Variants in DOK6 observed in about 807,000 individuals in gnomAD.
DOK6 encodes docking protein 6.
A neutral mutation model predicts 44.0 loss-of-function variants in DOK6; 22 were observed. The ratio of observed to expected loss-of-function variants is 0.50; its 90% confidence interval spans 0.36 to 0.71. The LOEUF is 0.71. Among genes scored for constraint, DOK6 ranks in the 30% least tolerant of loss-of-function variants. The pLI, the probability that DOK6 is intolerant of heterozygous loss-of-function variation, is 0.00. For missense variants in DOK6, 340 were observed against 416.4 expected, an observed-to-expected ratio of 0.82 and a Z score of 1.60; for synonymous variants, 166 against 145.5, an observed-to-expected ratio of 1.14 and a Z score of -1.01.
chr18:69,651,940 TTTAAG>T (rs1985240544), intron 3 of DOK6, among the ~76,000 whole-genome samples: 2 of 65,484 alleles, frequency 3.1e-5, no homozygotes, highest in South Asian at 9.8e-4. Flanking sequence ...AGGAAACTAA[TTTAAG>T]TTAGCCTTAA....
chr18:69,579,857 G>T (rs1046312055), intron 2 of DOK6, among the ~76,000 whole-genome samples: 1 of 151,968 alleles, frequency 6.6e-6, no homozygotes, highest in African/African-American at 2.4e-5. Flanking sequence ...CTCGTGGAGC[G>T]GTCGATCCGC....
At chr18:69,785,121 C>T (rs963116499) in intron 7 of DOK6, among the ~76,000 whole-genome samples, 35 of 152,158 alleles carry the variant, frequency 2.3e-4, no homozygotes, top group African/African-American at 8.2e-4. Flanking sequence ...TCAGCAAATG[C>T]TTCCATTTCT....
At chr18:69,514,676 C>T (rs1568282130) in intron 1 of DOK6, among the ~76,000 whole-genome samples, 1 of 151,210 alleles carries the variant, frequency 6.6e-6, no homozygotes, top group African/African-American at 2.4e-5. Context: ...ATTAATTTAT[C>T]CCACATCTTT....
chr18:69,808,773 G>C (rs747716893), intron 7 of DOK6, among the ~76,000 whole-genome samples: 1 of 151,774 alleles, frequency 6.6e-6, no homozygotes, highest in Non-Finnish European at 1.5e-5. Context: ...ACAATAACAA[G>C]TACAAAGATT....
intron 6 of DOK6, among the ~76,000 whole-genome samples, chr18:69,752,163 AAAAGAT>A (rs144564821): frequency 0.031 from 4,744 of 152,232 alleles, 251 homozygotes; most frequent in African/African-American, 0.11. Context: ...AAGTCTCTCT[AAAAGAT>A]AAATATAAAA....
At chr18:69,737,028 C>T (rs1393861975) in intron 5 of DOK6, among the ~76,000 whole-genome samples, 1 of 152,188 alleles carries the variant, frequency 6.6e-6, no homozygotes, top group Non-Finnish European at 1.5e-5. Context: ...TTTCCTCTTT[C>T]TCCTAATTAC....
chr18:69,530,710 C>T (rs34938663), intron 1 of DOK6, among the ~76,000 whole-genome samples: 43,708 of 151,874 alleles, frequency 0.29, 7,358 homozygotes, highest in East Asian at 0.62. Context: ...GGAATAAGTG[C>T]GATGTGGTGC....
At chr18:69,582,587 T>C (rs1983397358) in intron 2 of DOK6, among the ~76,000 whole-genome samples, 1 of 152,166 alleles carries the variant, frequency 6.6e-6, no homozygotes, top group Non-Finnish European at 1.5e-5. Flanking sequence ...GCTGCACAAG[T>C]TGAGTTAATC....
chr18:69,657,637 G>A (rs1397764343), intron 3 of DOK6, among the ~76,000 whole-genome samples: 1 of 152,136 alleles, frequency 6.6e-6, no homozygotes, highest in Non-Finnish European at 1.5e-5. Context: ...TAGAAACAGA[G>A]GCTAATAATT....
intron 1 of DOK6, among the ~76,000 whole-genome samples, chr18:69,432,237 G>A (rs1471103964): frequency 2.0e-5 from 3 of 152,170 alleles, no homozygotes; most frequent in African/African-American, 4.8e-5. Context: ...GAGCCCATGA[G>A]TTTGAGACCA....
chr18:69,602,123 G>A (rs571738439), intron 3 of DOK6, among the ~76,000 whole-genome samples: 2 of 152,216 alleles, frequency 1.3e-5, no homozygotes, highest in South Asian at 4.1e-4. Flanking sequence ...CCTTAAGTGG[G>A]GGCTGTTCAT....
At chr18:69,524,167 T>G (rs895981939) in intron 1 of DOK6, among the ~76,000 whole-genome samples, 2 of 152,074 alleles carry the variant, frequency 1.3e-5, no homozygotes, top group African/African-American at 4.8e-5. Flanking sequence ...AGAAACATGT[T>G]AATTGTGTAG....
At chr18:69,721,087 A>G (rs1986996605) in intron 5 of DOK6, among the ~76,000 whole-genome samples, 1 of 152,226 alleles carries the variant, frequency 6.6e-6, no homozygotes, top group African/African-American at 2.4e-5. Flanking sequence ...GTTCATAAAA[A>G]AGAAGTAGCT....
chr18:69,629,818 T>C (rs901304674), intron 3 of DOK6, among the ~76,000 whole-genome samples: 4 of 152,104 alleles, frequency 2.6e-5, no homozygotes, highest in Admixed American at 2.6e-4. Context: ...TGTTTTGAGA[T>C]AGAGTCTGGC....
intron 1 of DOK6, among the ~76,000 whole-genome samples, chr18:69,424,648 A>T (rs536582058): frequency 7.8e-4 from 55 of 70,192 alleles, no homozygotes; most frequent in African/African-American, 2.9e-3. Context: ...TGTCTTACTC[A>T]AGAAGGCTCT....
At chr18:69,696,420 G>A (rs1466132842) in intron 4 of DOK6, among the ~76,000 whole-genome samples, 7 of 152,050 alleles carry the variant, frequency 4.6e-5, no homozygotes, top group African/African-American at 1.7e-4. Flanking sequence ...AATAATACTG[G>A]TTAATGATGT....
chr18:69,506,762 T>C (rs1262636017), intron 1 of DOK6, among the ~76,000 whole-genome samples: 1 of 151,962 alleles, frequency 6.6e-6, no homozygotes, highest in African/African-American at 2.4e-5. Context: ...TACCCAGACG[T>C]GGGGTTGCCG....
chr18:69,628,537 A>G (rs923918429), intron 3 of DOK6, among the ~76,000 whole-genome samples: 1 of 152,144 alleles, frequency 6.6e-6, no homozygotes, highest in Non-Finnish European at 1.5e-5. Context: ...TAAACAGAGT[A>G]GGACAATTTT....
At chr18:69,485,587 G>A (rs1189580874) in intron 1 of DOK6, among the ~76,000 whole-genome samples, 1 of 152,076 alleles carries the variant, frequency 6.6e-6, no homozygotes, top group African/African-American at 2.4e-5. Flanking sequence ...GTGCCATTTT[G>A]TTCTAAGATC....
Sources: gnomAD v4.1 joint callset for allele counts (sites outside exome capture counted in the v4.1 genomes callset) on GRCh38, gnomAD v4.1.1 for gene constraint, MANE v1.5 for transcripts, NCBI Gene and HGNC (gene_info 2026-07-23, HGNC 2026-07-21) for gene names.